The following TEX11 variants were observed in gnomAD, a reference collection of about 807,000 sequenced individuals.
The protein encoded by TEX11 is testis expressed 11.
A neutral mutation model predicts 84.4 loss-of-function variants in TEX11; 7 were observed. The observed-to-expected ratio is 0.08, with a 90% CI of 0.05 to 0.16. The LOEUF (loss-of-function observed/expected upper bound fraction) is 0.16, where lower values mean the gene tolerates loss of function less well. Ranked by LOEUF, TEX11 falls within the 10% of genes least tolerant of loss-of-function variation. TEX11 has a pLI of 1.00. For synonymous variants in TEX11, 264 were observed against 222.8 expected, an observed-to-expected ratio of 1.18 and a Z score of -1.64; for missense variants, 551 against 660.5, an observed-to-expected ratio of 0.83 and a Z score of 1.82.
At chrX:70,514,830 G>A in the TEX11 span, among the ~76,000 whole-genome samples, 1 of 111,064 alleles carries the variant, frequency 9.0e-6, no homozygotes, top group Non-Finnish European at 1.9e-5. Flanking sequence ...CACTTTGGGA[G>A]GCTGAGGCAG....
the TEX11 span, among the ~76,000 whole-genome samples, chrX:70,513,112 T>C: frequency 9.2e-6 from 1 of 108,434 alleles, no homozygotes; most frequent in Non-Finnish European, 1.9e-5. Flanking sequence ...CCAGCACTTT[T>C]GGAGGCCAAG....
At chrX:70,784,777 A>C (rs1477989226) in intron 9 of TEX11, among the ~76,000 whole-genome samples, 2 of 111,647 alleles carry the variant, frequency 1.8e-5, no homozygotes, top group African/African-American at 6.5e-5. Context: ...AAGGGATGTG[A>C]AGGACCTCTT....
chrX:70,892,753 A>G (rs1274537334), intron 2 of TEX11, among the ~76,000 whole-genome samples: 1 of 109,439 alleles, frequency 9.1e-6, no homozygotes, highest in Non-Finnish European at 1.9e-5. Context: ...AAAGACACAT[A>G]CTGGCAAATT....
chrX:70,670,631 C>T, intron 15 of TEX11, 117 bp from the exon 16 acceptor site: 1 of 834,526 alleles, frequency 1.2e-6, no homozygotes, highest in Non-Finnish European at 1.6e-6. Context: ...AATCAAAACA[C>T]AATATCCTTT....
chrX:70,705,148 G>T (rs1307510610), intron 13 of TEX11, among the ~76,000 whole-genome samples: 2 of 111,184 alleles, frequency 1.8e-5, no homozygotes, highest in East Asian at 5.7e-4. Flanking sequence ...CTGTTCCATT[G>T]GTCTATATCT....
intron 13 of TEX11, among the ~76,000 whole-genome samples, chrX:70,685,052 A>G (rs895823282): frequency 1.8e-5 from 2 of 112,076 alleles, no homozygotes; most frequent in African/African-American, 6.5e-5. Flanking sequence ...AAAATACACA[A>G]TGGAAAAAGC....
intron 2 of TEX11, among the ~76,000 whole-genome samples, chrX:70,900,791 T>C (rs953846048): frequency 7.6e-4 from 84 of 110,156 alleles, no homozygotes; most frequent in Non-Finnish European, 1.2e-3. Context: ...CTGTCTCTAC[T>C]AAAAATACAG....
At chrX:70,514,531 G>A in the TEX11 span, among the ~76,000 whole-genome samples, 5 of 106,683 alleles carry the variant, frequency 4.7e-5, no homozygotes, top group Non-Finnish European at 9.7e-5. Flanking sequence ...GGAGGTGGAG[G>A]TTGCAGTGAG....
intron 16 of TEX11, among the ~76,000 whole-genome samples, chrX:70,654,754 A>G (rs1306635841): frequency 9.2e-6 from 1 of 108,748 alleles, no homozygotes. Context: ...TAGAAAGCAT[A>G]AAGTAAGTTA....
chrX:70,605,575 A>G (rs1569353044), intron 23 of TEX11, 58 bp from the exon 24 acceptor site: 1 of 811,821 alleles, frequency 1.2e-6, no homozygotes, highest in Non-Finnish European at 1.8e-6. Flanking sequence ...GGTGAACACA[A>G]ACAATCAGAA....
intron 9 of TEX11, among the ~76,000 whole-genome samples, chrX:70,793,113 T>C (rs939889850): frequency 9.0e-6 from 1 of 111,345 alleles, no homozygotes; most frequent in Non-Finnish European, 1.9e-5. Flanking sequence ...TCTCTAATAG[T>C]CACAGAAAAT....
intron 20 of TEX11, among the ~76,000 whole-genome samples, chrX:70,613,422 C>T (rs1414036998): frequency 8.9e-6 from 1 of 111,874 alleles, no homozygotes; most frequent in African/African-American, 3.2e-5. Context: ...AGACTTTGCA[C>T]TGAACTCAGT....
At chrX:70,865,961 G>A (rs1017860312) in intron 4 of TEX11, among the ~76,000 whole-genome samples, 2 of 110,971 alleles carry the variant, frequency 1.8e-5, no homozygotes, top group African/African-American at 6.6e-5. Flanking sequence ...ATCAACACCC[G>A]AACATCACAA....
intron 7 of TEX11, among the ~76,000 whole-genome samples, chrX:70,847,063 G>T (rs1171089682): frequency 1.8e-5 from 2 of 111,636 alleles, no homozygotes; most frequent in Non-Finnish European, 3.8e-5. Flanking sequence ...TCTTGCTCTA[G>T]TAGTTCCTCT....
intron 17 of TEX11, among the ~76,000 whole-genome samples, chrX:70,635,084 T>G (rs974794753): frequency 8.9e-6 from 1 of 112,009 alleles, no homozygotes; most frequent in Admixed American, 9.4e-5. Flanking sequence ...TGAACAACTA[T>G]CCACACATGG....
chrX:70,759,206 C>A (rs1015166894), intron 9 of TEX11, among the ~76,000 whole-genome samples: 3 of 111,811 alleles, frequency 2.7e-5, no homozygotes, highest in Non-Finnish European at 5.6e-5. Context: ...GGAGCTGGTA[C>A]CATTCCCTCT....
intron 2 of TEX11, among the ~76,000 whole-genome samples, chrX:70,897,217 A>ATATGTTATATAT: frequency 1.5e-5 from 1 of 67,887 alleles, no homozygotes; most frequent in Non-Finnish European, 3.2e-5. Context: ...TATATATAAC[A>ATATGTTATATAT]TATATATATG....
In TEX11 at chrX:70,875,815, G is replaced by A. The variant is rs1012335911; in HGVS notation, c.160-2508C>T. 3.6e-5 allele frequency among the ~76,000 whole-genome samples: 4 copies of A among 111,123 alleles called. No individual in the cohort carries two copies. The East Asian group carries it at 8.3e-4, about 23-fold the overall frequency. On this transcript the variant is annotated intron_variant, in intron 3 of 29. Coordinates refer to ENST00000374333, the MANE Select transcript of TEX11 (RefSeq NM_031276.3). ...GTCATGAAAACTATGTTTTTAACAC[G>A]GGAAAATATTTATTACATGTCTAGT...
chrX:70,773,329 C>T (rs1465306576), intron 9 of TEX11, among the ~76,000 whole-genome samples: 1 of 111,082 alleles, frequency 9.0e-6, no homozygotes, highest in Non-Finnish European at 1.9e-5. Context: ...ATAAGACTAT[C>T]ACCAGATTTC....
Sources: allele counts gnomAD v4.1 joint callset (sites outside exome capture counted in the v4.1 genomes callset), GRCh38; gene constraint gnomAD v4.1.1; transcripts MANE v1.5; gene names NCBI Gene and HGNC (gene_info 2026-07-23, HGNC 2026-07-21).